NCKAP5: variants seen among roughly 807,000 people sequenced by gnomAD.
The protein encoded by NCKAP5 is nck-associated protein 5.
Under a neutral mutation model 167.0 loss-of-function variants are expected in NCKAP5, and 92 were observed. That is an observed-to-expected ratio of 0.55 (90% confidence interval 0.47 to 0.66). The LOEUF (loss-of-function observed/expected upper bound fraction) is 0.66, where lower values mean the gene tolerates loss of function less well. Ranked by LOEUF, NCKAP5 falls within the 30% of genes least tolerant of loss-of-function variation. The pLI, the probability that NCKAP5 is intolerant of heterozygous loss-of-function variation, is 0.00. For synonymous variants in NCKAP5, 891 were observed against 877.4 expected (o/e 1.02, Z -0.27); for missense variants, 2,378 against 2,315.0 (o/e 1.03, Z -0.56).
chr2:133,191,778 G>A (rs1196286777), intron 5 of NCKAP5, among the ~76,000 whole-genome samples: 5 of 152,110 alleles, frequency 3.3e-5, no homozygotes, highest in African/African-American at 9.7e-5. Flanking sequence ...TGGGGTTGGG[G>A]GGAGCAGGGA....
chr2:133,592,187 C>T, the NCKAP5 span, among the ~76,000 whole-genome samples: 6 of 152,142 alleles, frequency 3.9e-5, no homozygotes, highest in African/African-American at 1.4e-4. Flanking sequence ...TTTATTTAAC[C>T]AGCTCCTTGC....
chr2:133,060,688 A>G (rs1317328218), intron 6 of NCKAP5, among the ~76,000 whole-genome samples: 2 of 152,206 alleles, frequency 1.3e-5, no homozygotes, highest in African/African-American at 2.4e-5. Context: ...ATGAGCTATG[A>G]AGATAAATGT....
intron 4 of NCKAP5, among the ~76,000 whole-genome samples, chr2:133,232,668 T>G (rs1293924089): frequency 1.3e-5 from 2 of 152,076 alleles, no homozygotes; most frequent in Non-Finnish European, 2.9e-5. Context: ...TCACAAATAG[T>G]GCCCACAAAA....
Position 133,319,632 on chromosome 2 carries a change from G to A in NCKAP5, c.70-16522C>T, listed in dbSNP as rs892200059. On this transcript the variant is annotated intron_variant, in intron 3 of 19. Coordinates refer to ENST00000409261, the MANE Select transcript of NCKAP5 (RefSeq NM_207363.3). ...AAATATACATATTTGGGATAGCAAC[G>A]CAGACAGTTCACTTACCAGTGGATA... Among the ~76,000 whole-genome samples, 19 of 152,116 alleles carry A rather than the reference G, an allele frequency of 1.2e-4. 1 individual carries two copies. The highest frequency in any genetic ancestry group is 1.0e-3 in the Admixed American group (16 of 15,276).
chr2:132,712,457 C>A (rs1211190891), intron 19 of NCKAP5, among the ~76,000 whole-genome samples: 1 of 152,126 alleles, frequency 6.6e-6, no homozygotes, highest in Non-Finnish European at 1.5e-5. Context: ...TGGGACCATC[C>A]TGGCTAACAC....
intron 2 of NCKAP5, among the ~76,000 whole-genome samples, chr2:133,526,242 AGG>A (rs1326971044): frequency 1.9e-5 from 1 of 51,776 alleles, no homozygotes; most frequent in African/African-American, 8.4e-5. Context: ...GAAAGGAGGG[AGG>A]GAAGGAGGGA....
chr2:133,473,934 A>C (rs968685691), intron 3 of NCKAP5, among the ~76,000 whole-genome samples: 1 of 152,176 alleles, frequency 6.6e-6, no homozygotes, highest in Non-Finnish European at 1.5e-5. Flanking sequence ...CATTTAAAGT[A>C]CTGTATGATC....
At chr2:132,904,660 A>T (rs2148925085) in intron 8 of NCKAP5, among the ~76,000 whole-genome samples, 1 of 152,338 alleles carries the variant, frequency 6.6e-6, no homozygotes, top group South Asian at 2.1e-4. Context: ...CCCACTGATT[A>T]GTACCATCTA....
chr2:132,717,548 C>T (rs1224311798), intron 19 of NCKAP5, among the ~76,000 whole-genome samples: 2 of 152,134 alleles, frequency 1.3e-5, no homozygotes, highest in Non-Finnish European at 2.9e-5. Flanking sequence ...AGGATGGCAG[C>T]GTTTTTAAAA....
chr2:133,457,634 A>C (rs1691942290), intron 3 of NCKAP5, among the ~76,000 whole-genome samples: 1 of 152,180 alleles, frequency 6.6e-6, no homozygotes, highest in Non-Finnish European at 1.5e-5. Context: ...AACAATCAGT[A>C]ATACAGATCA....
At position 132,715,349 on chromosome 2, in the gene NCKAP5, T is replaced by C. The variant is rs920343559; in HGVS notation, c.5713+10278A>G. 3.4e-4 allele frequency among the ~76,000 whole-genome samples: 52 copies of C among 152,194 alleles called. 1 individual carries two copies. On this transcript the variant is annotated intron_variant, in intron 19 of 19. Coordinates refer to ENST00000409261, the MANE Select transcript of NCKAP5 (RefSeq NM_207363.3). Reference sequence around the variant, plus strand: ...GATTGTTAATCTTCCGTGTCTGGTGTAACCATTCAGTTGGAAGAGTTCTGG... The same window carrying C: ...GATTGTTAATCTTCCGTGTCTGGTGCAACCATTCAGTTGGAAGAGTTCTGG...
chr2:132,737,570 G>T (rs750869613), intron 16 of NCKAP5, among the ~76,000 whole-genome samples: 79 of 152,100 alleles, frequency 5.2e-4, no homozygotes, highest in Non-Finnish European at 7.8e-4. Context: ...CTACCTTAGG[G>T]TGTGTGGCTG....
chr2:133,408,948 C>CA (rs1179351543), intron 3 of NCKAP5, among the ~76,000 whole-genome samples: 1 of 152,156 alleles, frequency 6.6e-6, no homozygotes, highest in Non-Finnish European at 1.5e-5. Flanking sequence ...CCAGTGGAGC[C>CA]ACAGCTGACA....
intron 6 of NCKAP5, among the ~76,000 whole-genome samples, chr2:133,020,324 A>G (rs373393231): frequency 5.8e-4 from 88 of 152,350 alleles, no homozygotes; most frequent in African/African-American, 2.1e-3. Context: ...GAGGTGTTTG[A>G]AAAGCTGAGT....
At chr2:132,923,882 C>T (rs1259413500) in intron 8 of NCKAP5, among the ~76,000 whole-genome samples, 2 of 152,132 alleles carry the variant, frequency 1.3e-5, no homozygotes, top group African/African-American at 4.8e-5. Context: ...CTTTTATGAA[C>T]ATAAAAATCT....
At chr2:133,397,546 T>C (rs938234530) in intron 3 of NCKAP5, among the ~76,000 whole-genome samples, 1 of 152,250 alleles carries the variant, frequency 6.6e-6, no homozygotes, top group African/African-American at 2.4e-5. Flanking sequence ...ATATGCTTGT[T>C]GCCTCTGTTA....
intron 9 of NCKAP5, among the ~76,000 whole-genome samples, chr2:132,873,918 C>T (rs980892356): frequency 6.6e-6 from 1 of 151,994 alleles, no homozygotes; most frequent in Non-Finnish European, 1.5e-5. Context: ...CATTAGGCAC[C>T]TAGTGTGGGC....
intron 4 of NCKAP5, among the ~76,000 whole-genome samples, chr2:133,299,545 G>A (rs954350381): frequency 2.6e-5 from 4 of 152,216 alleles, no homozygotes; most frequent in African/African-American, 4.8e-5. Flanking sequence ...TCAGGAGTTC[G>A]AGACCAGCCT....
At chr2:133,335,731 A>G (rs1357512464) in intron 3 of NCKAP5, among the ~76,000 whole-genome samples, 3 of 152,212 alleles carry the variant, frequency 2.0e-5, no homozygotes, top group East Asian at 1.9e-4. Context: ...TCACATTACT[A>G]TGATAATCAA....
Sources: allele counts gnomAD v4.1 joint callset (sites outside exome capture counted in the v4.1 genomes callset), GRCh38; gene constraint gnomAD v4.1.1; transcripts MANE v1.5; gene names NCBI Gene and HGNC (gene_info 2026-07-23, HGNC 2026-07-21).